The following NLGN4X variants were observed in gnomAD, a reference collection of about 807,000 sequenced individuals.
NLGN4X encodes neuroligin-4, X-linked.
Under a neutral mutation model 40.3 loss-of-function variants are expected in NLGN4X, and 3 were observed. That is an observed-to-expected ratio of 0.07 (90% CI 0.03 to 0.19). The LOEUF is 0.19. Ranked by LOEUF, NLGN4X falls within the 10% of genes least tolerant of loss-of-function variation. The pLI is 1.00. For synonymous variants in NLGN4X, 270 were observed against 306.8 expected (o/e 0.88, Z 1.25); for missense variants, 382 against 708.3 (o/e 0.54, Z 5.23).
intron 3 of NLGN4X, among the ~76,000 whole-genome samples, chrX:6,020,121 G>T (rs2036494558): frequency 8.9e-6 from 1 of 111,793 alleles, no homozygotes; most frequent in Admixed American, 9.5e-5. Context: ...TTGGAAAAAA[G>T]AAGTCTTTGA....
intron 3 of NLGN4X, among the ~76,000 whole-genome samples, chrX:5,963,570 T>C (rs929153256): frequency 6.2e-4 from 69 of 111,748 alleles, no homozygotes; most frequent in African/African-American, 2.2e-3. Flanking sequence ...AACAACAAGG[T>C]AGGAGAATTT....
chrX:6,108,684 A>C (rs1398961154), intron 2 of NLGN4X, among the ~76,000 whole-genome samples: 1 of 107,386 alleles, frequency 9.3e-6, no homozygotes, highest in African/African-American at 3.4e-5. Flanking sequence ...AATCTGTTTC[A>C]AAAAAAAAGG....
At chrX:6,036,608 GCGCACACACA>G (rs1441826612) in intron 2 of NLGN4X, among the ~76,000 whole-genome samples, 2 of 75,640 alleles carry the variant, frequency 2.6e-5, no homozygotes, top group Non-Finnish European at 5.3e-5. Context: ...CTTGTGGCTG[GCGCACACACA>G]CACACACACA....
intron 1 of NLGN4X, among the ~76,000 whole-genome samples, chrX:6,183,827 A>C (rs1166692124): frequency 8.9e-6 from 1 of 112,167 alleles, no homozygotes; most frequent in African/African-American, 3.2e-5. Flanking sequence ...TGTTGTTCTA[A>C]GACTTAACCA....
intron 3 of NLGN4X, among the ~76,000 whole-genome samples, chrX:6,012,619 G>A (rs1368643146): frequency 9.0e-6 from 1 of 111,565 alleles, no homozygotes; most frequent in African/African-American, 3.3e-5. Flanking sequence ...TTGAAAATAG[G>A]GTCTTTGCAG....
At chrX:6,070,823 C>T (rs142535896) in intron 2 of NLGN4X, among the ~76,000 whole-genome samples, 357 of 111,293 alleles carry the variant, frequency 3.2e-3, no homozygotes, top group African/African-American at 0.011. Flanking sequence ...GAAGAATGTG[C>T]GAAGGAGGAA....
intron 1 of NLGN4X, among the ~76,000 whole-genome samples, chrX:6,166,721 A>G (rs951452996): frequency 9.1e-6 from 1 of 110,475 alleles, no homozygotes; most frequent in African/African-American, 3.3e-5. Context: ...GCTATCTCAT[A>G]CGAGTCTTAT....
intron 3 of NLGN4X, among the ~76,000 whole-genome samples, chrX:5,944,560 A>C (rs1452607030): frequency 9.5e-6 from 1 of 105,170 alleles, no homozygotes; most frequent in East Asian, 3.1e-4. Context: ...AGAGAGGAGG[A>C]CTGCTTGAGC....
chrX:6,050,617 A>G (rs1168079288), intron 2 of NLGN4X, among the ~76,000 whole-genome samples: 1 of 110,042 alleles, frequency 9.1e-6, no homozygotes, highest in Non-Finnish European at 1.9e-5. Context: ...CTATCTACCT[A>G]TATCTATCAT....
At chrX:6,015,758 T>C (rs1017021698) in intron 3 of NLGN4X, among the ~76,000 whole-genome samples, 2 of 111,892 alleles carry the variant, frequency 1.8e-5, no homozygotes, top group African/African-American at 6.5e-5. Flanking sequence ...ATTGTCTCCA[T>C]ACAATGATGA....
At chrX:6,072,136 G>T (rs1019638772) in intron 2 of NLGN4X, among the ~76,000 whole-genome samples, 2 of 111,227 alleles carry the variant, frequency 1.8e-5, no homozygotes, top group Non-Finnish European at 3.8e-5. Flanking sequence ...TGGTGTGTGG[G>T]AGAGATCTTA....
intron 3 of NLGN4X, among the ~76,000 whole-genome samples, chrX:5,911,824 C>T (rs1487336809): frequency 8.9e-6 from 1 of 111,900 alleles, no homozygotes; most frequent in Non-Finnish European, 1.9e-5. Context: ...CCTTTAACCT[C>T]CATACTGTTC....
chrX:6,116,387 CTTTCTTTTTTTTTTTTTTTTTTTTT>C (rs2039295470), intron 2 of NLGN4X, among the ~76,000 whole-genome samples: 1 of 29,533 alleles, frequency 3.4e-5, no homozygotes, highest in African/African-American at 1.2e-4. Context: ...TTGAACCTTT[CTTTCTTTTTTTTTTTTTTTTTTTTT>C]TTTTTTTTTT....
intron 1 of NLGN4X, among the ~76,000 whole-genome samples, chrX:6,205,934 G>A (rs944183107): frequency 8.9e-6 from 1 of 111,823 alleles, no homozygotes. Context: ...GAAAACACAC[G>A]GAGCATCTCA....
chrX:6,086,570 C>T lies in NLGN4X; in HGVS notation c.473-57138G>A, dbSNP rs763990901. 3.6e-5 allele frequency among the ~76,000 whole-genome samples: 4 copies of T among 111,928 alleles called. No homozygotes were observed. The South Asian group carries it at 1.5e-3, about 42-fold the overall frequency. On this transcript the variant is annotated intron_variant, in intron 2 of 5. Coordinates refer to ENST00000381095, the MANE Select transcript of NLGN4X (RefSeq NM_181332.3). ...TCAACAATCCATCAATCTTTCTCCCCAGTATTACGGGTTTGGTTATATTTG... is the reference window on the plus strand; with the variant it reads ...TCAACAATCCATCAATCTTTCTCCCTAGTATTACGGGTTTGGTTATATTTG...
intron 1 of NLGN4X, among the ~76,000 whole-genome samples, chrX:6,166,807 C>T (rs1424278787): frequency 9.0e-6 from 1 of 111,377 alleles, no homozygotes; most frequent in Non-Finnish European, 1.9e-5. Flanking sequence ...CAACATGGCT[C>T]ATGCCTATAA....
At position 5,925,825 on chromosome X, in the gene NLGN4X, C is replaced by CAT. The variant is rs1181288808; in HGVS notation, c.626-16588_626-16587dup. Among the ~76,000 whole-genome samples, 421 of 43,337 alleles carry CAT rather than the reference C, an allele frequency of 9.7e-3. 7 individuals carry two copies. Among genetic ancestry groups the CAT allele is most frequent in the African/African-American group, 0.033 (263 of 7,964 alleles). The allele number at this position is 43,337 out of a possible 115,157, so 37.6% of individuals were successfully genotyped here. A position where few individuals can be genotyped will look rare whatever the true frequency, so the allele number is the denominator to read the frequency against. ...ACATTCAGTTGGTAATGAATCCCAC[C>CAT]ATATATATATATATATATACATACA... On this transcript the variant is annotated intron_variant, in intron 3 of 5. Transcript: ENST00000381095.
At chrX:6,018,184 A>G (rs754561441) in intron 3 of NLGN4X, among the ~76,000 whole-genome samples, 11 of 111,354 alleles carry the variant, frequency 9.9e-5, no homozygotes, top group Non-Finnish European at 2.1e-4. Context: ...GTATACACAC[A>G]TAGATTATAC....
At chrX:6,036,287 C>A (rs1009249115) in intron 2 of NLGN4X, among the ~76,000 whole-genome samples, 1 of 111,499 alleles carries the variant, frequency 9.0e-6, no homozygotes, top group African/African-American at 3.3e-5. Context: ...AAAACTCCTG[C>A]TGAGATTTCG....
Sources: gnomAD v4.1 joint callset for allele counts (sites outside exome capture counted in the v4.1 genomes callset) on GRCh38, gnomAD v4.1.1 for gene constraint, MANE v1.5 for transcripts, NCBI Gene and HGNC (gene_info 2026-07-23, HGNC 2026-07-21) for gene names.